The following DLL1 variants were observed in gnomAD, a reference collection of about 807,000 sequenced individuals.
The protein encoded by DLL1 is delta-like protein 1.
DLL1 carries 9 observed loss-of-function variants against 75.1 expected under a neutral mutation model. The observed-to-expected ratio is 0.12, with a 90% CI of 0.07 to 0.21. The LOEUF (loss-of-function observed/expected upper bound fraction) is 0.21, where lower values mean the gene tolerates loss of function less well. DLL1 is among the 10% of genes least tolerant of loss of function. The pLI is 1.00. For synonymous variants in DLL1, 477 were observed against 418.3 expected, an observed-to-expected ratio of 1.14 and a Z score of -1.71; for missense variants, 837 against 1,007.6, an observed-to-expected ratio of 0.83 and a Z score of 2.29.
At chr6:170,287,010 A>G (rs1376766265) in intron 4 of DLL1, among the ~76,000 whole-genome samples, 1 of 152,192 alleles carries the variant, frequency 6.6e-6, no homozygotes, top group Non-Finnish European at 1.5e-5. Context: ...GAGGCAGCAG[A>G]CTGGCCAGAG....
chr6:170,290,945 T>G lies in DLL1; in HGVS notation c.-806A>C. ...AGAGGATCTGGCTCTCGCCGGCGCCTGCCGCCCTTATATTCAGCCGGCCGC... is the reference window on the plus strand; with the variant it reads ...AGAGGATCTGGCTCTCGCCGGCGCCGGCCGCCCTTATATTCAGCCGGCCGC... On this transcript the variant is annotated 5_prime_UTR_variant, in exon 1 of 11. Transcript: ENST00000366756. The surrounding 1 kb of genome is among the most constrained non-coding windows in gnomAD (Gnocchi z 4.7). 1.4e-6 allele frequency: 1 copy of G among 699,510 alleles called. No individual in the cohort carries two copies. Among genetic ancestry groups the G allele is most frequent in the Non-Finnish European group, 2.6e-6 (1 of 383,280 alleles). 43.3% of individuals were successfully genotyped at this position (699,510 alleles called of 1,614,324 possible).
At position 170,290,164 on chromosome 6, in the gene DLL1, TG is replaced by T. The variant is rs557481627; in HGVS notation, c.-26del. 1.4e-5 allele frequency: 23 copies of T among 1,587,978 alleles called. No individual in the cohort carries two copies. The highest frequency in any genetic ancestry group is 4.5e-5 in the South Asian group (4 of 89,622). On this transcript the variant is annotated 5_prime_UTR_variant, in exon 1 of 11. Coordinates refer to ENST00000366756, the MANE Select transcript of DLL1 (RefSeq NM_005618.4). The surrounding 1 kb of genome is among the most constrained non-coding windows in gnomAD (Gnocchi z 4.7). The stretch of plus-strand genomic sequence containing the variant: ...TGCTGCTTCGCTCCACGCGCGAGCC[TG>T]GGGGGCCCCCACTTCTCTCCTTAGA...
At chr6:170,287,162 C>T (rs1783720558) in intron 4 of DLL1, among the ~76,000 whole-genome samples, 1 of 152,262 alleles carries the variant, frequency 6.6e-6, no homozygotes, top group South Asian at 2.1e-4. Context: ...CAGGCCAAGG[C>T]AAAGCTTAGA....
intron 1 of DLL1, 36 bp from the exon 2 acceptor site, chr6:170,289,844 T>A: frequency 6.5e-7 from 1 of 1,543,862 alleles, no homozygotes; most frequent in Non-Finnish European, 8.7e-7. Context: ...AGGACGCGGG[T>A]CCCGCCCGAG....
In DLL1 at chr6:170,283,858, G is replaced by A. The variant is rs201909286; in HGVS notation, c.1421C>T (p.Thr474Met). Residue 474 changes from threonine (T) to methionine (M), a missense_variant, in exon 9 of 11, where the codon ACG (threonine) becomes ATG (methionine). Physicochemically the swap from Thr to Met is moderately conservative, Grantham distance 81. Coordinates refer to ENST00000366756, the MANE Select transcript of DLL1 (RefSeq NM_005618.4). ...GACGGGGGCACTGCAGTTCCTGCCC[G>A]TGTAGCCAGGCGGGCAGGTGCAGGA... is the stretch of plus-strand genomic sequence containing the variant. ...DFSCTCPPGY[T>M]GRNCSAPVSR... is the part of the protein sequence containing the mutation. 369 of 1,605,408 alleles carry A rather than the reference G, an allele frequency of 2.3e-4. No homozygotes were observed. Among genetic ancestry groups the A allele is most frequent in the Non-Finnish European group, 2.9e-4 (340 of 1,178,872 alleles).
intron 5 of DLL1, 64 bp downstream of exon 5, chr6:170,286,174 C>T (rs190816948): frequency 1.5e-5 from 24 of 1,604,594 alleles, no homozygotes; most frequent in Admixed American, 8.3e-5. Flanking sequence ...TTTACAAATA[C>T]ACCAGCTGTG....
In DLL1 at chr6:170,283,051, G is replaced by C. The variant is rs754137812; in HGVS notation, c.2103C>G (p.Asp701Glu). The change falls in exon 10 of 11, where the codon GAC (aspartate) becomes GAG (glutamate). Residue 701 changes from aspartate to glutamate, a missense_variant. Asp to Glu is a conservative substitution (Grantham distance 45, BLOSUM62 2). This residue lies in a region of DLL1 where 533 missense variants were observed against 545.7 expected (regional missense o/e 0.98). Coordinates refer to ENST00000366756, the MANE Select transcript of DLL1 (RefSeq NM_005618.4). Reference sequence around the variant, plus strand: ...TGACGTACACCGACTGGTACTTGGTGTCTTTTGAAGTTGAACAGCCCGAGT... The same window carrying C: ...TGACGTACACCGACTGGTACTTGGTCTCTTTTGAAGTTGAACAGCCCGAGT... ...RPDSGCSTSKDTKYQSVYVIS... is the reference protein window; with the variant it reads ...RPDSGCSTSKETKYQSVYVIS... 6.2e-7 allele frequency: 1 copy of C among 1,614,126 alleles called. No homozygotes were observed. The highest frequency in any genetic ancestry group is 8.5e-7 in the Non-Finnish European group (1 of 1,180,040).
chr6:170,291,049 C>G lies in DLL1; in HGVS notation c.-910G>C. Reference sequence around the variant, plus strand: ...CACAAAGGAGCCACTTTTCCAAACCCTCCTCTCAATGGATCGCCAAATGGT... The same window carrying G: ...CACAAAGGAGCCACTTTTCCAAACCGTCCTCTCAATGGATCGCCAAATGGT... On this transcript the variant is annotated 5_prime_UTR_variant, in exon 1 of 11. Transcript: ENST00000366756. The G allele has an allele frequency of 1.4e-6, 1 of 702,066 alleles. No homozygotes were observed. Among genetic ancestry groups the G allele is most frequent in the African/African-American group, 1.7e-5 (1 of 57,326 alleles). The allele number at this position is 702,066 out of a possible 1,614,324, so 43.5% of individuals were successfully genotyped here. A position where few individuals can be genotyped will look rare whatever the true frequency, so the allele number is the denominator to read the frequency against.
At position 170,283,715 on chromosome 6, in the gene DLL1, C is replaced by T. The variant is rs201048142; in HGVS notation, c.1564G>A (p.Glu522Lys). The T allele has an allele frequency of 6.5e-4, 1,001 of 1,550,912 alleles. 10 individuals are homozygous for T. The African/African-American group carries it at 0.012, about 18-fold the overall frequency. ...ACCACCGCTGGGCCCGGGGGCAGCTCGGGGAGCAGGAACTGGCAGTTGGGA... is the reference window on the plus strand; with the variant it reads ...ACCACCGCTGGGCCCGGGGGCAGCTTGGGGAGCAGGAACTGGCAGTTGGGA... ...GGPNCQFLLP[E>K]LPPGPAVVDL... Residue 522 changes from glutamate to lysine, a missense_variant, in exon 9 of 11, where the codon GAG becomes AAG. This residue lies in a region of DLL1 where 533 missense variants were observed against 545.7 expected (regional missense o/e 0.98). Coordinates refer to ENST00000366756, the MANE Select transcript of DLL1 (RefSeq NM_005618.4).
Position 170,288,501 on chromosome 6 carries a change from G to C in DLL1, c.413-5C>G, listed in dbSNP as rs1783757725. 6.2e-6 allele frequency: 10 copies of C among 1,614,086 alleles called. No homozygotes were observed. Among genetic ancestry groups the C allele is most frequent in the Non-Finnish European group, 7.6e-6 (9 of 1,180,040 alleles). The stretch of plus-strand genomic sequence containing the variant: ...TGATGAGTCTTTCTGGGTTTTCTAC[G>C]GGGAGAAGATGCTCCTGGTTGGTTC... On this transcript the variant is annotated splice_region_variant and splice_polypyrimidine_tract_variant and intron_variant, in intron 3 of 10. Transcript: ENST00000366756.
Position 170,288,402 on chromosome 6 carries a change from C to T in DLL1, c.507G>A (p.Thr169=), listed in dbSNP as rs200138835. 319 of 1,614,068 alleles carry T rather than the reference C, an allele frequency of 2.0e-4. 1 individual carries two copies. Among genetic ancestry groups the T allele is most frequent in the Middle Eastern group, 8.2e-4 (5 of 6,062 alleles). Residue 169 remains threonine, a synonymous_variant, in exon 4 of 11, where the codon ACG becomes ACA. Coordinates refer to ENST00000366756, the MANE Select transcript of DLL1 (RefSeq NM_005618.4). The stretch of plus-strand genomic sequence containing the variant: ...CGAAGCGGTAGGAGTACTTGAGGTC[C>T]GTGCGGCCGCTGCTGTGCAGGTCCT... ...WSQDLHSSGR[T]DLKYSYRFVC...
chr6:170,282,581 G>A lies in DLL1; in HGVS notation c.*293C>T. On this transcript the variant is annotated 3_prime_UTR_variant, in exon 11 of 11. Transcript: ENST00000366756. ...AATCCAAAATATACACTCAGGCAGT[G>A]CATGCTTCTTATGCGTAATTCAGTT... The A allele has an allele frequency of 1.7e-6, 1 of 582,634 alleles. No homozygotes were observed. The highest frequency in any genetic ancestry group is 3.1e-6 in the Non-Finnish European group (1 of 326,904). The allele number at this position is 582,634 out of a possible 1,614,324, so 36.1% of individuals were successfully genotyped here. A position where few individuals can be genotyped will look rare whatever the true frequency, so the allele number is the denominator to read the frequency against.
At chr6:170,289,935 G>C (rs947327671) in intron 1 of DLL1, 127 bp from the exon 2 acceptor site, 2 of 1,318,734 alleles carry the variant, frequency 1.5e-6, no homozygotes, top group African/African-American at 1.6e-5. Context: ...CTGCACGGCC[G>C]GCGCTGGGGT....
intron 4 of DLL1, among the ~76,000 whole-genome samples, chr6:170,287,979 C>A (rs1783741049): frequency 6.6e-6 from 1 of 152,114 alleles, no homozygotes; most frequent in Admixed American, 6.5e-5. Context: ...CTGGCCCTGT[C>A]TCTAAAATCC....
In DLL1 at chr6:170,285,639, G is replaced by T; in HGVS notation, c.792C>A (p.Leu264=). ...GCCAGGGCTGCTGGCAGGTGCCATG[G>T]AGACAGCCTGGATAGCGGATACACT... The part of the protein sequence containing the change: ...CDECIRYPGC[L]HGTCQQPWQC... Residue 264 remains leucine (L), a synonymous_variant, in exon 6 of 11, where the codon CTC becomes CTA. Coordinates refer to ENST00000366756, the MANE Select transcript of DLL1 (RefSeq NM_005618.4). 1 of 1,614,082 alleles carries T rather than the reference G, an allele frequency of 6.2e-7. No homozygotes were observed.
chr6:170,282,950 A>G, intron 10 of DLL1, 38 bp downstream of exon 10: 1 of 1,614,134 alleles, frequency 6.2e-7, no homozygotes, highest in Non-Finnish European at 8.5e-7. Context: ...AGGTGCTCCC[A>G]TGCCGAGGAG....
intron 8 of DLL1, among the ~76,000 whole-genome samples, chr6:170,284,587 G>C (rs1371539415): frequency 1.3e-5 from 2 of 152,160 alleles, no homozygotes; most frequent in African/African-American, 4.8e-5. Flanking sequence ...CCACACAGCT[G>C]GGCCATCCTC....
rs1783681787 is a variant in DLL1, at chr6:170,285,657, G to C, written c.774C>G (p.Ile258Met). ...TGCCATGGAGACAGCCTGGATAGCG[G>C]ATACACTCGTCACAGTACCGGCCCT... ...GWQGRYCDEC[I>M]RYPGCLHGTC... is the part of the protein sequence containing the mutation. The change falls in exon 6 of 11, where the codon ATC (isoleucine) becomes ATG (methionine). Residue 258 changes from isoleucine to methionine, a missense_variant. Coordinates refer to ENST00000366756, the MANE Select transcript of DLL1 (RefSeq NM_005618.4). The C allele has an allele frequency of 6.2e-7, 1 of 1,614,062 alleles. No homozygotes were observed. Among genetic ancestry groups the C allele is most frequent in the African/African-American group, 1.3e-5 (1 of 75,062 alleles).
Position 170,289,596 on chromosome 6 carries a change from G to A in DLL1, c.267C>T (p.Val89=), listed in dbSNP as rs943872161. The change falls in exon 2 of 11, where the codon GTC becomes GTT. Residue 89 remains valine (V), a synonymous_variant. Transcript: ENST00000366756. ...YGSAVTPVLG[V]DSFSLPDGGG... ...CGCCGTCGGGCAGACTGAAGGAGTC[G>A]ACGCCCAGCACGGGGGTGACGGCGC... 3 of 1,535,700 alleles carry A rather than the reference G, an allele frequency of 2.0e-6. No homozygotes were observed. Among genetic ancestry groups the A allele is most frequent in the African/African-American group, 1.4e-5 (1 of 72,938 alleles).
Sources: gnomAD v4.1 joint callset for allele counts (sites outside exome capture counted in the v4.1 genomes callset) on GRCh38, gnomAD v4.1.1 for gene constraint, gnomAD v4.1.1 regional missense constraint, Gnocchi (gnomAD v3.1) non-coding constraint, MANE v1.5 for transcripts, NCBI Gene and HGNC (gene_info 2026-07-23, HGNC 2026-07-21) for gene names.